RP1: variants seen among roughly 807,000 people sequenced by gnomAD.
RP1 encodes oxygen-regulated protein 1.
Under a neutral mutation model 14.8 loss-of-function variants are expected in RP1, and 16 were observed. The ratio of observed to expected loss-of-function variants is 1.08; its 90% CI spans 0.73 to 1.65. The LOEUF (loss-of-function observed/expected upper bound fraction) is 1.65. Ranked by LOEUF, RP1 falls within the 40% of genes most tolerant of loss-of-function variation. The probability of loss-of-function intolerance (pLI) is 0.00; values close to 1 mark genes in which losing one functional copy is unlikely to be tolerated. For synonymous variants in RP1, 876 were observed against 883.6 expected (o/e 0.99, Z 0.15); for missense variants, 2,631 against 2,535.0 (o/e 1.04, Z -0.81).
intron 6 of RP1, among the ~76,000 whole-genome samples, chr8:54,660,326 T>C (rs941927860): frequency 1.3e-5 from 2 of 152,214 alleles, no homozygotes; most frequent in Non-Finnish European, 2.9e-5. Context: ...TTTTATATAT[T>C]GCCATTATTA....
chr8:54,831,810 C>A (rs1420272636), intron 24 of RP1, among the ~76,000 whole-genome samples: 1 of 151,358 alleles, frequency 6.6e-6, no homozygotes, highest in Non-Finnish European at 1.5e-5. Context: ...ACCTGAAGAA[C>A]TTCTCTTTGC....
chr8:54,677,612 A>G (rs545600836), intron 8 of RP1, among the ~76,000 whole-genome samples: 17 of 152,266 alleles, frequency 1.1e-4, no homozygotes, highest in African/African-American at 4.1e-4. Flanking sequence ...CTGGAGTCCC[A>G]GCTACTTGAG....
intron 12 of RP1, among the ~76,000 whole-genome samples, chr8:54,697,563 G>T (rs1484933259): frequency 6.6e-6 from 1 of 152,012 alleles, no homozygotes; most frequent in African/African-American, 2.4e-5. Context: ...CTCAAAAAAA[G>T]AAAAGAAAAG....
chr8:54,808,143 T>C (rs780284799), intron 24 of RP1, among the ~76,000 whole-genome samples: 1 of 152,132 alleles, frequency 6.6e-6, no homozygotes, highest in Non-Finnish European at 1.5e-5. Context: ...TTATAGAATA[T>C]GGGGTTCACT....
rs924460004 is a variant in RP1, at chr8:54,629,430, C to T, written c.5548C>T (p.His1850Tyr). ...CTGTGCCAAGGAAAGAATAGCAAAT[C>T]ATCATACAGAGGAGAAGGGTAGTCA... The part of the protein sequence containing the change: ...ETCAKERIAN[H>Y]HTEEKGSHQS... Residue 1850 changes from histidine to tyrosine, a missense_variant, in exon 4 of 4, where the codon CAT becomes TAT. His to Tyr is a moderately conservative substitution (Grantham distance 83). Coordinates refer to ENST00000220676, the MANE Select transcript of RP1 (RefSeq NM_006269.2). 1.2e-6 allele frequency: 2 copies of T among 1,614,130 alleles called. No homozygotes were observed. Among genetic ancestry groups the T allele is most frequent in the East Asian group, 2.2e-5 (1 of 44,884 alleles).
chr8:54,656,020 A>C, intron 5 of RP1: 1 of 1,254,484 alleles, frequency 8.0e-7, no homozygotes, highest in Non-Finnish European at 1.1e-6. Flanking sequence ...TTGAACAAAA[A>C]CTTATTTGAC....
chr8:54,701,846 A>C (rs190808935), intron 14 of RP1, among the ~76,000 whole-genome samples: 3 of 152,306 alleles, frequency 2.0e-5, no homozygotes, highest in Admixed American at 1.3e-4. Context: ...CAGCTTTAGT[A>C]GCAATGACAC....
chr8:54,836,970 G>A (rs1414106527), intron 24 of RP1, among the ~76,000 whole-genome samples: 2 of 151,968 alleles, frequency 1.3e-5, no homozygotes, highest in Non-Finnish European at 2.9e-5. Flanking sequence ...ATGTGTTCTG[G>A]GGGGTGCAAA....
intron 1 of RP1, among the ~76,000 whole-genome samples, chr8:54,594,595 G>A (rs919500024): frequency 3.9e-5 from 6 of 152,168 alleles, no homozygotes; most frequent in Admixed American, 3.3e-4. Context: ...GGATAAAATT[G>A]GCATGCTGTT....
exon 26 of RP1, chr8:54,852,610 T>C (rs1346306902): frequency 2.4e-6 from 3 of 1,231,700 alleles, no homozygotes; most frequent in East Asian, 3.2e-5. Flanking sequence ...ACAGGCACAA[T>C]GACAGGTGCA....
exon 7 of RP1, chr8:54,663,848 C>G: frequency 6.6e-7 from 1 of 1,518,108 alleles, no homozygotes; most frequent in Non-Finnish European, 8.8e-7. Context: ...TTTAAGAGGA[C>G]AAGTAAGCAA....
chr8:54,793,629 G>A (rs777175008), intron 24 of RP1, among the ~76,000 whole-genome samples: 10 of 151,802 alleles, frequency 6.6e-5, no homozygotes, highest in Non-Finnish European at 1.0e-4. Context: ...TTTCAACATG[G>A]TTTTGTGATA....
chr8:54,646,904 T>C lies in RP1; in HGVS notation c.788-2081T>C, dbSNP rs149658307. 7.6e-3 allele frequency among the ~76,000 whole-genome samples: 1,161 copies of C among 152,284 alleles called. 19 individuals carry two copies. Among genetic ancestry groups the C allele is most frequent in the African/African-American group, 0.027 (1,102 of 41,558 alleles). Reference sequence around the variant, plus strand: ...CAAACAAGAACTAACATACCAGTCATCCTACAGAGCATAGCTAGAATTTTT... The same window carrying C: ...CAAACAAGAACTAACATACCAGTCACCCTACAGAGCATAGCTAGAATTTTT... On this transcript the variant is annotated intron_variant, in intron 3 of 22. Transcript: ENST00000636932.
rs910942668 is a variant in RP1, at chr8:54,626,972, T to G, written c.3090T>G (p.Ala1030=). Residue 1030 remains alanine (A), a synonymous_variant, in exon 4 of 4, where the codon GCT becomes GCG. Transcript: ENST00000220676. ...AACACTGTACTTTGTCACAGTCAGC[T>G]ATTAATGATCATAATACTAAAAGTC... ...LHEHCTLSQS[A]INDHNTKSHI... 11 of 1,613,998 alleles carry G rather than the reference T, an allele frequency of 6.8e-6. No homozygotes were observed. The highest frequency in any genetic ancestry group is 9.3e-6 in the Non-Finnish European group (11 of 1,179,962).
intron 6 of RP1, among the ~76,000 whole-genome samples, chr8:54,661,487 A>G (rs938765452): frequency 6.6e-6 from 1 of 151,844 alleles, no homozygotes; most frequent in East Asian, 1.9e-4. Flanking sequence ...TTAAAAAAAA[A>G]AGAAATCTTT....
intron 26 of RP1, among the ~76,000 whole-genome samples, chr8:54,856,733 G>A (rs184665799): frequency 2.1e-4 from 32 of 152,184 alleles, no homozygotes; most frequent in African/African-American, 7.5e-4. Context: ...CATATAGTAC[G>A]GATTATGAGC....
At chr8:54,761,337 A>G (rs944594307) in intron 22 of RP1, among the ~76,000 whole-genome samples, 2 of 150,804 alleles carry the variant, frequency 1.3e-5, no homozygotes, top group Non-Finnish European at 2.9e-5. Context: ...CCTGGGTTGA[A>G]GCAATTCTCC....
chr8:54,862,479 A>G (rs1308691400), intron 27 of RP1, among the ~76,000 whole-genome samples: 1 of 152,160 alleles, frequency 6.6e-6, no homozygotes, highest in African/African-American at 2.4e-5. Flanking sequence ...GTGGAAATAC[A>G]TGTTCTTGTC....
At chr8:54,819,417 C>T (rs1301002208) in intron 24 of RP1, among the ~76,000 whole-genome samples, 1 of 152,040 alleles carries the variant, frequency 6.6e-6, no homozygotes, top group African/African-American at 2.4e-5. Context: ...ATTTTGAATT[C>T]TCTGTCTGAA....
Sources: allele counts gnomAD v4.1 joint callset (sites outside exome capture counted in the v4.1 genomes callset), GRCh38; gene constraint gnomAD v4.1.1; transcripts MANE v1.5; gene names NCBI Gene and HGNC (gene_info 2026-07-23, HGNC 2026-07-21).